CYBB: variants seen among roughly 807,000 people sequenced by gnomAD.
CYBB encodes NADPH oxidase 2.
In CYBB, 5 loss-of-function variants were observed where a neutral mutation model predicts 46.5. The observed-to-expected ratio is 0.11, with a 90% confidence interval of 0.06 to 0.23. CYBB has a LOEUF of 0.23. Ranked by LOEUF, CYBB falls within the 10% of genes least tolerant of loss-of-function variation. The pLI is 1.00. For synonymous variants in CYBB, 183 were observed against 156.7 expected, an observed-to-expected ratio of 1.17 and a Z score of -1.26; for missense variants, 307 against 428.3, an observed-to-expected ratio of 0.72 and a Z score of 2.50.
At chrX:37,808,625 G>T (rs1227209556) in intron 11 of CYBB, among the ~76,000 whole-genome samples, 1 of 111,790 alleles carries the variant, frequency 8.9e-6, no homozygotes, top group African/African-American at 3.3e-5. Flanking sequence ...GAAACATAAC[G>T]ATAAGAATTG....
At chrX:37,792,396 A>T (rs1330855728) in intron 4 of CYBB, among the ~76,000 whole-genome samples, 1 of 111,139 alleles carries the variant, frequency 9.0e-6, no homozygotes, top group African/African-American at 3.3e-5. Flanking sequence ...TTCTAAAAAA[A>T]GTTCTTGGTT....
chrX:37,792,637 G>A (rs1018640247), intron 4 of CYBB, among the ~76,000 whole-genome samples: 5 of 110,685 alleles, frequency 4.5e-5, no homozygotes, highest in Non-Finnish European at 9.5e-5. Context: ...GGCTGTATTT[G>A]GGACCCTTAT....
At chrX:37,803,573 A>G (rs1217855533) in intron 8 of CYBB, among the ~76,000 whole-genome samples, 1 of 111,721 alleles carries the variant, frequency 9.0e-6, no homozygotes, top group Non-Finnish European at 1.9e-5. Flanking sequence ...TCCTCTTTCT[A>G]GTTGTAACTG....
Position 37,791,036 on chromosome X carries a change from G to A in CYBB, c.253-939G>A, listed in dbSNP as rs187479799. Among the ~76,000 whole-genome samples, 983 of 111,440 alleles carry A rather than the reference G, an allele frequency of 8.8e-3. 9 individuals carry two copies. Among genetic ancestry groups the A allele is most frequent in the Non-Finnish European group, 0.015 (784 of 52,980 alleles). On this transcript the variant is annotated intron_variant, in intron 3 of 12. Coordinates refer to ENST00000378588, the MANE Select transcript of CYBB (RefSeq NM_000397.4). ...AACTCACATTTTCTAACATATGTAG[G>A]TTCGTCAAATACACTAAAATACTGA...
chrX:37,802,864 A>G (rs1929474079), intron 8 of CYBB, among the ~76,000 whole-genome samples: 3 of 112,144 alleles, frequency 2.7e-5, no homozygotes, highest in African/African-American at 9.7e-5. Context: ...CTTTAATTAT[A>G]CATATAAGGT....
At chrX:37,787,833 G>A (rs1310146364) in intron 3 of CYBB, among the ~76,000 whole-genome samples, 2 of 111,375 alleles carry the variant, frequency 1.8e-5, no homozygotes, top group African/African-American at 6.5e-5. Context: ...CCCAGTATCA[G>A]CATGACTTGT....
chrX:37,806,345 C>T (rs782728493), intron 10 of CYBB, 42 bp from the exon 11 acceptor site: 8 of 1,198,764 alleles, frequency 6.7e-6, no homozygotes, highest in Non-Finnish European at 9.0e-6. Context: ...GCTGATAGGG[C>T]CTGCCAAATA....
chrX:37,798,519 T>G (rs1429268604), intron 6 of CYBB, among the ~76,000 whole-genome samples: 1 of 112,150 alleles, frequency 8.9e-6, no homozygotes, highest in African/African-American at 3.2e-5. Context: ...ACAATAAAGT[T>G]AGCCCACACT....
intron 7 of CYBB, among the ~76,000 whole-genome samples, 192 bp from the exon 8 acceptor site, chrX:37,801,064 T>C (rs782787406): frequency 1.8e-5 from 2 of 112,288 alleles, no homozygotes; most frequent in Non-Finnish European, 3.8e-5. Flanking sequence ...TGTTTACTTT[T>C]ACTGGCTCAA....
At chrX:37,796,832 T>A (rs1314650436) in intron 6 of CYBB, among the ~76,000 whole-genome samples, 5 of 111,922 alleles carry the variant, frequency 4.5e-5, no homozygotes, top group Admixed American at 2.8e-4. Flanking sequence ...ATATGCAGCC[T>A]AAGCCACCTC....
At chrX:37,801,954 A>G (rs1352147044) in intron 8 of CYBB, among the ~76,000 whole-genome samples, 2 of 111,131 alleles carry the variant, frequency 1.8e-5, no homozygotes, top group Non-Finnish European at 3.8e-5. Flanking sequence ...CTTTTCCTGA[A>G]CTCTAATCTG....
At chrX:37,792,914 C>T (rs782419071) in intron 4 of CYBB, among the ~76,000 whole-genome samples, 9 of 109,811 alleles carry the variant, frequency 8.2e-5, no homozygotes, top group Admixed American at 2.0e-4. Context: ...CACATATTTG[C>T]GTGCCAGAGG....
intron 6 of CYBB, 130 bp downstream of exon 6, chrX:37,796,271 A>T: frequency 1.7e-6 from 1 of 583,804 alleles, no homozygotes; most frequent in Non-Finnish European, 2.9e-6. Flanking sequence ...GTGAGAGGAT[A>T]GCAGAGGTCA....
At chrX:37,808,085 C>G (rs1929600343) in intron 11 of CYBB, among the ~76,000 whole-genome samples, 1 of 112,235 alleles carries the variant, frequency 8.9e-6, no homozygotes, top group Admixed American at 9.5e-5. Context: ...CTGCATATTT[C>G]TGTCCAGTGT....
intron 1 of CYBB, among the ~76,000 whole-genome samples, chrX:37,780,879 A>G (rs781788499): frequency 8.5e-4 from 95 of 111,689 alleles, no homozygotes; most frequent in African/African-American, 2.9e-3. Context: ...AATAATGGAC[A>G]AATTGGGTAG....
intron 4 of CYBB, 64 bp from the exon 5 acceptor site, chrX:37,793,601 C>A: frequency 8.7e-7 from 1 of 1,153,991 alleles, no homozygotes; most frequent in Non-Finnish European, 1.2e-6. Context: ...TCCCAGAAAC[C>A]CAGCTTACAA....
intron 4 of CYBB, 39 bp from the exon 5 acceptor site, chrX:37,793,626 C>A (rs782248214): frequency 5.9e-6 from 7 of 1,195,123 alleles, no homozygotes; most frequent in Non-Finnish European, 1.1e-6. Flanking sequence ...TTTGTTCATA[C>A]CCTTCATTCT....
chrX:37,809,416 G>A (rs1272706586), intron 11 of CYBB, 151 bp from the exon 12 acceptor site: 6 of 598,641 alleles, frequency 1.0e-5, no homozygotes, highest in Admixed American at 8.4e-5. Flanking sequence ...ACTGTAAATT[G>A]CTTGAGAGAG....
chrX:37,791,039 C>T (rs1041830254), intron 3 of CYBB, among the ~76,000 whole-genome samples: 2 of 111,238 alleles, frequency 1.8e-5, no homozygotes, highest in Non-Finnish European at 1.9e-5. Context: ...TATGTAGGTT[C>T]GTCAAATACA....
Sources: gnomAD v4.1 joint callset for allele counts (sites outside exome capture counted in the v4.1 genomes callset) on GRCh38, gnomAD v4.1.1 for gene constraint, MANE v1.5 for transcripts, NCBI Gene and HGNC (gene_info 2026-07-23, HGNC 2026-07-21) for gene names.